Variants in GNPTAB observed in about 807,000 individuals in gnomAD.
GNPTAB encodes N-acetylglucosamine-1-phosphate transferase subunits alpha and beta, also known as N-acetylglucosamine-1-phosphotransferase subunits alpha/beta.
In GNPTAB, 92 loss-of-function variants were observed where a neutral mutation model predicts 136.6. The observed-to-expected ratio is 0.67, with a 90% confidence interval of 0.57 to 0.80. The LOEUF (loss-of-function observed/expected upper bound fraction) is 0.80. GNPTAB is among the 30% of genes least tolerant of loss of function. The pLI, the probability that GNPTAB is intolerant of heterozygous loss-of-function variation, is 0.00. For synonymous variants in GNPTAB, 512 were observed against 535.1 expected (o/e 0.96, Z 0.60); for missense variants, 1,343 against 1,501.8 (o/e 0.89, Z 1.75).
At chr12:101,756,806 G>A (rs1393476235) in intron 18 of GNPTAB, 2 of 173,358 alleles carry the variant, frequency 1.2e-5, no homozygotes, top group Non-Finnish European at 2.5e-5. Flanking sequence ...TCACATTTAC[G>A]GTAGCATTCC....
intron 1 of GNPTAB, among the ~76,000 whole-genome samples, chr12:101,820,772 T>C (rs1870750137): frequency 6.6e-6 from 1 of 152,116 alleles, no homozygotes. Flanking sequence ...AGAAAGCATC[T>C]CCCAGCTGGG....
At chr12:101,762,326 TA>T (rs1213609166) in intron 13 of GNPTAB, among the ~76,000 whole-genome samples, 2 of 152,160 alleles carry the variant, frequency 1.3e-5, no homozygotes, top group African/African-American at 4.8e-5. Flanking sequence ...CTCAAACTGA[TA>T]AAAATAAAAA....
intron 1 of GNPTAB, among the ~76,000 whole-genome samples, chr12:101,808,375 T>TAAAA (rs779978335): frequency 4.7e-5 from 5 of 106,706 alleles, no homozygotes; most frequent in African/African-American, 1.8e-4. Flanking sequence ...CCCGGGCAAT[T>TAAAA]AAAAAAAAAA....
rs778606499 is a variant in GNPTAB, at chr12:101,757,212, C to A, written c.3434G>T (p.Arg1145Met). The change falls in exon 18 of 21, where the codon AGG (arginine) becomes ATG (methionine). Residue 1145 changes from arginine to methionine, a missense_variant and splice_region_variant. Coordinates refer to ENST00000299314, the MANE Select transcript of GNPTAB (RefSeq NM_024312.5). The part of the protein sequence containing the change: ...GQLDDIRKNP[R>M]KFVCLNDNID... ...AAAAATTATATATAAAAATCAGTAC[C>A]TAGGGTTTTTTCTTATGTCATCCAA... 3 of 1,500,436 alleles carry A rather than the reference C, an allele frequency of 2.0e-6. No homozygotes were observed. The Admixed American group carries it at 5.0e-5, about 25-fold the overall frequency. 92.9% of individuals were successfully genotyped at this position (1,500,436 alleles called of 1,614,324 possible). A position where few individuals can be genotyped will look rare whatever the true frequency, so the allele number is the denominator to read the frequency against.
intron 1 of GNPTAB, among the ~76,000 whole-genome samples, chr12:101,813,514 A>C (rs903786574): frequency 6.6e-6 from 1 of 152,244 alleles, no homozygotes; most frequent in African/African-American, 2.4e-5. Flanking sequence ...ATTTTTAAAA[A>C]TGTACTCTGG....
intron 7 of GNPTAB, among the ~76,000 whole-genome samples, chr12:101,777,517 G>C (rs1413507081): frequency 6.6e-6 from 1 of 152,114 alleles, no homozygotes; most frequent in Non-Finnish European, 1.5e-5. Context: ...CCTCTACATA[G>C]AATGGTCTCT....
At chr12:101,817,768 TG>T (rs1870579796) in intron 1 of GNPTAB, among the ~76,000 whole-genome samples, 1 of 152,168 alleles carries the variant, frequency 6.6e-6, no homozygotes, top group South Asian at 2.1e-4. Context: ...AAGACCAGTC[TG>T]GGGAACATAG....
rs774589709 is a variant in GNPTAB at position 101,770,110 on chromosome 12, A to G, written c.1195T>C (p.Ser399Pro). ...ESHIHRIEGL[S>P]QKFIYLNDDV... ...TCATTTAGGTAAATAAACTTCTGGG[A>G]CAGCCCTTCGATGCGATGAATGTGA... The change falls in exon 10 of 21, where the codon TCC (serine) becomes CCC (proline). Residue 399 changes from serine to proline, a missense_variant. Transcript: ENST00000299314. 1 of 1,614,184 alleles carries G rather than the reference A, an allele frequency of 6.2e-7. No individual in the cohort carries two copies. Among genetic ancestry groups the G allele is most frequent in the Admixed American group, 1.7e-5 (1 of 60,032 alleles).
In GNPTAB at chr12:101,764,443, G is replaced by T; in HGVS notation, c.2474C>A (p.Thr825Asn). The change falls in exon 13 of 21, where the codon ACC (threonine) becomes AAC (asparagine). Residue 825 changes from threonine (T) to asparagine (N), a missense_variant. Physicochemically the swap from Thr to Asn is moderately conservative, Grantham distance 65. Transcript: ENST00000299314. ...TTCTTTTGTCACATTTCCGCCTATGGTTTTTTGGGTGTGAGTTTCCACTCT... is the reference window on the plus strand; with the variant it reads ...TTCTTTTGTCACATTTCCGCCTATGTTTTTTTGGGTGTGAGTTTCCACTCT... Reference protein sequence around the residue: ...RFRVETHTQKTIGGNVTKEKP... With the variant: ...RFRVETHTQKNIGGNVTKEKP... 6.2e-7 allele frequency: 1 copy of T among 1,613,472 alleles called. No individual in the cohort carries two copies.
chr12:101,826,955 T>TTG, intron 1 of GNPTAB, among the ~76,000 whole-genome samples: 1 of 129,826 alleles, frequency 7.7e-6, no homozygotes, highest in Non-Finnish European at 1.6e-5. Context: ...GAGTTGTTTT[T>TTG]TTTTTTTTTT....
At chr12:101,751,659 C>G (rs961906264) in intron 19 of GNPTAB, among the ~76,000 whole-genome samples, 1 of 152,228 alleles carries the variant, frequency 6.6e-6, no homozygotes, top group Non-Finnish European at 1.5e-5. Flanking sequence ...GCAAGTTACT[C>G]AACTCACATT....
chr12:101,786,328 GATA>G, intron 4 of GNPTAB, 111 bp from the exon 5 acceptor site: 1 of 828,506 alleles, frequency 1.2e-6, no homozygotes, highest in Admixed American at 2.3e-5. Flanking sequence ...CATAAAAAAT[GATA>G]ATATTTTAAC....
Position 101,771,020 on chromosome 12 carries a change from T to G in GNPTAB, c.909A>C (p.Leu303Phe), listed in dbSNP as rs571919952. The G allele has an allele frequency of 1.9e-6, 3 of 1,614,118 alleles. No homozygotes were observed. The East Asian group carries it at 6.7e-5, about 36-fold the overall frequency. Residue 303 changes from leucine (L) to phenylalanine (F), a missense_variant, in exon 8 of 21, where the codon TTA becomes TTC. Coordinates refer to ENST00000299314, the MANE Select transcript of GNPTAB (RefSeq NM_024312.5). The stretch of plus-strand genomic sequence containing the variant: ...CCTGGCTGATGGCGCTCAGATCCCA[T>G]AATAAATATGCAGGACTTATGGTCA... ...KELTISPAYL[L>F]WDLSAISQSK...
chr12:101,771,307 G>T, intron 7 of GNPTAB, 150 bp from the exon 8 acceptor site: 1 of 698,162 alleles, frequency 1.4e-6, no homozygotes, highest in Non-Finnish European at 2.4e-6. Context: ...GCAGTGGCAC[G>T]ATCTCTGCTC....
chr12:101,815,801 C>G (rs1870489207), intron 1 of GNPTAB, among the ~76,000 whole-genome samples: 1 of 152,122 alleles, frequency 6.6e-6, no homozygotes, highest in African/African-American at 2.4e-5. Flanking sequence ...TCAAAATATA[C>G]CACAGAGCTA....
chr12:101,756,099 A>G (rs1290944003), intron 18 of GNPTAB: 1 of 152,748 alleles, frequency 6.5e-6, no homozygotes, highest in East Asian at 1.9e-4. Flanking sequence ...AGGGAACAGC[A>G]TATGCAAAGA....
intron 10 of GNPTAB, among the ~76,000 whole-genome samples, chr12:101,768,699 G>A (rs555372795): frequency 6.6e-6 from 1 of 152,072 alleles, no homozygotes; most frequent in Non-Finnish European, 1.5e-5. Flanking sequence ...ATTAGTGATG[G>A]GGTACATGGT....
intron 2 of GNPTAB, 45 bp from the exon 3 acceptor site, chr12:101,790,102 A>G (rs1868898367): frequency 6.2e-7 from 1 of 1,613,588 alleles, no homozygotes; most frequent in East Asian, 2.2e-5. Context: ...CATTTTTCCA[A>G]TATATTTGGT....
At chr12:101,759,603 T>C (rs1405693625) in intron 16 of GNPTAB, among the ~76,000 whole-genome samples, 1 of 152,204 alleles carries the variant, frequency 6.6e-6, no homozygotes, top group Admixed American at 6.5e-5. Context: ...GACATTCCAA[T>C]GCAGTCGTGT....
Sources: gnomAD v4.1 joint callset for allele counts (sites outside exome capture counted in the v4.1 genomes callset) on GRCh38, gnomAD v4.1.1 for gene constraint, MANE v1.5 for transcripts, NCBI Gene and HGNC (gene_info 2026-07-23, HGNC 2026-07-21) for gene names.